The following MSH6 variants were observed in gnomAD, a reference collection of about 807,000 sequenced individuals.
MSH6 encodes DNA mismatch repair protein Msh6.
In MSH6, 85 loss-of-function variants were observed where a neutral mutation model predicts 119.1. That is an observed-to-expected ratio of 0.71 (90% CI 0.60 to 0.85). MSH6 has a LOEUF of 0.85. Among genes scored for constraint, MSH6 ranks in the 40% least tolerant of loss-of-function variants. The probability of loss-of-function intolerance (pLI) is 0.00; values close to 1 mark genes in which losing one functional copy is unlikely to be tolerated. For synonymous variants in MSH6, 830 were observed against 586.9 expected (o/e 1.41, Z -5.99); for missense variants, 2,163 against 1,655.3 (o/e 1.31, Z -5.32).
chr2:47,792,846 GTTTTTTT>G (rs11335797), intron 2 of MSH6, among the ~76,000 whole-genome samples: 2 of 114,428 alleles, frequency 1.7e-5, no homozygotes, highest in Non-Finnish European at 3.5e-5. Flanking sequence ...TTTTTATATA[GTTTTTTT>G]TTTTTTTTTT....
rs749308906 is a variant in MSH6 at position 47,800,210 on chromosome 2, T to C, written c.2227T>C (p.Leu743=). ...MVLDAVTLNN[L]EIFLNGTNGS... is the part of the protein sequence containing the mutation. Reference sequence around the variant, plus strand: ...GCTAGATGCAGTGACATTAAACAACTTGGAGATTTTTCTGAATGGAACAAA... The same window carrying C: ...GCTAGATGCAGTGACATTAAACAACCTGGAGATTTTTCTGAATGGAACAAA... Residue 743 remains leucine (L), a synonymous_variant, in exon 4 of 10, where the codon TTG becomes CTG. Coordinates refer to ENST00000234420, the MANE Select transcript of MSH6 (RefSeq NM_000179.3). 1.1e-5 allele frequency: 17 copies of C among 1,614,178 alleles called. No homozygotes were observed. Among genetic ancestry groups the C allele is most frequent in the Non-Finnish European group, 1.4e-5 (16 of 1,180,022 alleles).
intron 3 of MSH6, among the ~76,000 whole-genome samples, chr2:47,797,299 C>T (rs1356340194): frequency 1.3e-5 from 2 of 152,096 alleles, no homozygotes; most frequent in Non-Finnish European, 2.9e-5. Context: ...GTTCCTTTTT[C>T]AATAGATAAG....
At chr2:47,806,133 A>G in intron 7 of MSH6, 71 bp from the exon 8 acceptor site, 1 of 1,489,750 alleles carries the variant, frequency 6.7e-7, no homozygotes, top group South Asian at 1.1e-5. Context: ...CTGTCCTAGC[A>G]TTTTTGTTTT....
chr2:47,806,829 A>G lies in MSH6; in HGVS notation c.4052A>G (p.His1351Arg), dbSNP rs1325140069. 3 of 1,612,124 alleles carry G rather than the reference A, an allele frequency of 1.9e-6. No homozygotes were observed. The highest frequency in any genetic ancestry group is 1.7e-4 in the Middle Eastern group (1 of 6,054). ...ERSTVDAEAV[H>R]KLLTLIKEL is the part of the protein sequence containing the mutation. The stretch of plus-strand genomic sequence containing the variant: ...TCAACTGTAGATGCTGAAGCTGTCC[A>G]TAAATTGCTGACTTTGATTAAGGAA... The change falls in exon 10 of 10, where the codon CAT (histidine) becomes CGT (arginine). Residue 1351 changes from histidine (H) to arginine (R), a missense_variant. Physicochemically the swap from His to Arg is conservative, Grantham distance 29. Transcript: ENST00000234420.
At chr2:47,790,162 C>T (rs1008709080) in intron 1 of MSH6, among the ~76,000 whole-genome samples, 2 of 152,188 alleles carry the variant, frequency 1.3e-5, no homozygotes, top group Non-Finnish European at 2.9e-5. Flanking sequence ...TGGCTCACGC[C>T]TGTAATCCCA....
At chr2:47,788,197 C>G (rs1668457311) in intron 1 of MSH6, among the ~76,000 whole-genome samples, 1 of 143,636 alleles carries the variant, frequency 7.0e-6, no homozygotes, top group African/African-American at 2.6e-5. Flanking sequence ...AATTTTTAGT[C>G]TTAGCATTTT....
chr2:47,783,431 G>A lies in MSH6; in HGVS notation c.198G>A (p.Pro66=), dbSNP rs1299712565. 2 of 1,500,928 alleles carry A rather than the reference G, an allele frequency of 1.3e-6. No individual in the cohort carries two copies. Among genetic ancestry groups the A allele is most frequent in the African/African-American group, 1.4e-5 (1 of 69,298 alleles). The allele number at this position is 1,500,928 out of a possible 1,614,324, so 93.0% of individuals were successfully genotyped here. The part of the protein sequence containing the change: ...GPRPLARSAS[P]PKAKNLNGGL... ...GGCCCTTGGCGCGCTCCGCGTCACC[G>A]CCCAAGGCGAAGAACCTCAACGGAG... The change falls in exon 1 of 10, where the codon CCG becomes CCA. Residue 66 remains proline (P), a synonymous_variant. Coordinates refer to ENST00000234420, the MANE Select transcript of MSH6 (RefSeq NM_000179.3).
chr2:47,790,942 A>C lies in MSH6; in HGVS notation c.276A>C (p.Pro92=). ...TTGGCAACAGTTGTGACTTCTCACC[A>C]GGAGATTTGGTTTGGGCCAAGATGG... The part of the protein sequence containing the change: ...PAAPTSCDFS[P]GDLVWAKMEG... Residue 92 remains proline, a synonymous_variant, in exon 2 of 10, where the codon CCA becomes CCC. Transcript: ENST00000234420. 6.2e-7 allele frequency: 1 copy of C among 1,614,110 alleles called. No individual in the cohort carries two copies. The highest frequency in any genetic ancestry group is 1.3e-5 in the African/African-American group (1 of 75,046).
intron 1 of MSH6, chr2:47,789,492 ATAAT>A (rs979432376): frequency 6.7e-6 from 3 of 446,542 alleles, no homozygotes; most frequent in African/African-American, 6.2e-5. Context: ...TAGAAATGAA[ATAAT>A]TCTTTTCTAA....
At chr2:47,801,194 G>T (rs771142450) in intron 4 of MSH6, 39 bp downstream of exon 4, 5 of 1,600,852 alleles carry the variant, frequency 3.1e-6, no homozygotes, top group Non-Finnish European at 4.2e-6. Context: ...GCTTTGATAA[G>T]TAGTGCTGTT....
rs146469162 is a variant in MSH6, at chr2:47,795,927, A to C, written c.491A>C (p.His164Pro). ...SKSKEAQKGG[H>P]FYSAKPEILR... ...TCAAAGGAAGCCCAGAAGGGAGGTC[A>C]TTTTTACAGTGCAAAGCCTGAAATA... Residue 164 changes from histidine to proline, a missense_variant, in exon 3 of 10, where the codon CAT becomes CCT. Physicochemically the swap from His to Pro is moderately conservative, Grantham distance 77. Transcript: ENST00000234420. 73 of 1,614,166 alleles carry C rather than the reference A, an allele frequency of 4.5e-5. No homozygotes were observed. In the African/African-American group the frequency reaches 9.2e-4, roughly 20 times the overall value.
rs367630365 is a variant in MSH6 at position 47,783,973 on chromosome 2, T to G, written c.260+480T>G. On this transcript the variant is annotated intron_variant, in intron 1 of 9. Transcript: ENST00000234420. Reference sequence around the variant, plus strand: ...ACGGGGAGAGTCCGGTGGTGTGGGGTGCGAAAGGAGGTTCCTCGGCCGGCG... The same window carrying G: ...ACGGGGAGAGTCCGGTGGTGTGGGGGGCGAAAGGAGGTTCCTCGGCCGGCG... The G allele has an allele frequency of 5.7e-5, 59 of 1,030,560 alleles. No individual in the cohort carries two copies. In the East Asian group the frequency reaches 7.1e-4, roughly 12 times the overall value. 63.8% of individuals were successfully genotyped at this position (1,030,560 alleles called of 1,614,324 possible). A position where few individuals can be genotyped will look rare whatever the true frequency, so the allele number is the denominator to read the frequency against.
chr2:47,809,343 T>A, downstream of MSH6: 1 of 932,218 alleles, frequency 1.1e-6, no homozygotes. Context: ...AGGATTATTC[T>A]AACAGAAGAG....
chr2:47,790,868 T>G, intron 1 of MSH6, 59 bp from the exon 2 acceptor site: 8 of 1,484,754 alleles, frequency 5.4e-6, no homozygotes, highest in Non-Finnish European at 7.5e-6. Flanking sequence ...TGTAGGTAAC[T>G]GCCTTTAAGG....
chr2:47,806,102 G>A, intron 7 of MSH6, 102 bp from the exon 8 acceptor site: 2 of 1,114,268 alleles, frequency 1.8e-6, no homozygotes, highest in African/African-American at 1.5e-5. Context: ...AGACGTGGAT[G>A]TACTAACCGA....
chr2:47,785,852 A>G (rs1235856806), intron 1 of MSH6, among the ~76,000 whole-genome samples: 1 of 152,170 alleles, frequency 6.6e-6, no homozygotes, highest in Non-Finnish European at 1.5e-5. Flanking sequence ...TTGTTTCTTG[A>G]GGTTGAGTTT....
downstream of MSH6, chr2:47,809,068 C>T: frequency 1.3e-6 from 1 of 755,814 alleles, no homozygotes; most frequent in Non-Finnish European, 2.2e-6. Context: ...AGTCTCAACA[C>T]CGGCAAATAG....
rs764478569 is a variant in MSH6, at chr2:47,798,642, A to C, written c.659A>C (p.Glu220Ala). The change falls in exon 4 of 10, where the codon GAA (glutamate) becomes GCA (alanine). Residue 220 changes from glutamate (E) to alanine (A), a missense_variant. Coordinates refer to ENST00000234420, the MANE Select transcript of MSH6 (RefSeq NM_000179.3). ...ACAACTTACGTAACAGATAAGAGTGAAGAAGATAATGAAATTGAGAGTGAA... is the reference window on the plus strand; with the variant it reads ...ACAACTTACGTAACAGATAAGAGTGCAGAAGATAATGAAATTGAGAGTGAA... ...VGTTYVTDKS[E>A]EDNEIESEEE... The C allele has an allele frequency of 1.2e-6, 2 of 1,612,556 alleles. No homozygotes were observed. Among genetic ancestry groups the C allele is most frequent in the Non-Finnish European group, 8.5e-7 (1 of 1,179,972 alleles).
At position 47,799,140 on chromosome 2, in the gene MSH6, C is replaced by G. The variant is rs2104323733; in HGVS notation, c.1157C>G (p.Pro386Arg). 1.2e-6 allele frequency: 2 copies of G among 1,613,404 alleles called. No homozygotes were observed. Among genetic ancestry groups the G allele is most frequent in the Non-Finnish European group, 1.7e-6 (2 of 1,179,794 alleles). The change falls in exon 4 of 10, where the codon CCT becomes CGT. Residue 386 changes from proline (P) to arginine (R), a missense_variant. Transcript: ENST00000234420. ...EKRRDEHRRR[P>R]DHPDFDASTL... Reference sequence around the variant, plus strand: ...AGAAGAGATGAGCACAGGAGGAGGCCTGATCACCCCGATTTTGATGCATCT... The same window carrying G: ...AGAAGAGATGAGCACAGGAGGAGGCGTGATCACCCCGATTTTGATGCATCT...
Sources: gnomAD v4.1 joint callset for allele counts (sites outside exome capture counted in the v4.1 genomes callset) on GRCh38, gnomAD v4.1.1 for gene constraint, MANE v1.5 for transcripts, NCBI Gene and HGNC (gene_info 2026-07-23, HGNC 2026-07-21) for gene names.